The following ZYG11B variants were observed in gnomAD, a reference collection of about 807,000 sequenced individuals.
ZYG11B encodes the protein protein zyg-11 homolog B.
Under a neutral mutation model 82.4 loss-of-function variants are expected in ZYG11B, and 36 were observed. The ratio of observed to expected loss-of-function variants is 0.44; its 90% confidence interval spans 0.33 to 0.58. The LOEUF is 0.58. Among genes scored for constraint, ZYG11B ranks in the 20% least tolerant of loss-of-function variants. ZYG11B has a pLI of 0.02. For missense variants in ZYG11B, 552 were observed against 895.6 expected (o/e 0.62, Z 4.90); for synonymous variants, 303 against 312.8 (o/e 0.97, Z 0.33).
chr1:52,747,883 T>G (rs1644489868), intron 1 of ZYG11B, among the ~76,000 whole-genome samples: 1 of 152,162 alleles, frequency 6.6e-6, no homozygotes, highest in Admixed American at 6.6e-5. Context: ...TTACTTAAAC[T>G]CTGATAGCCT....
intron 5 of ZYG11B, among the ~76,000 whole-genome samples, chr1:52,789,149 C>T (rs1432926041): frequency 2.0e-5 from 3 of 152,168 alleles, no homozygotes; most frequent in Non-Finnish European, 4.4e-5. Flanking sequence ...CTTTTCTCTG[C>T]CATTTCTTCT....
chr1:52,797,350 TTA>T (rs1199423854), intron 8 of ZYG11B, among the ~76,000 whole-genome samples: 3 of 51,242 alleles, frequency 5.9e-5, no homozygotes, highest in African/African-American at 1.6e-4. Flanking sequence ...TAATTATATA[TTA>T]TATATAATAC....
chr1:52,732,679 C>T (rs923173303), intron 1 of ZYG11B, among the ~76,000 whole-genome samples: 7 of 152,124 alleles, frequency 4.6e-5, no homozygotes, highest in African/African-American at 9.7e-5. Flanking sequence ...GCAGGAGAAT[C>T]GCTTGAACCC....
chr1:52,753,939 C>G (rs1644548723), intron 1 of ZYG11B, among the ~76,000 whole-genome samples: 1 of 152,092 alleles, frequency 6.6e-6, no homozygotes, highest in Non-Finnish European at 1.5e-5. Context: ...CCATGTTGGC[C>G]AGGCTGGTCT....
intron 12 of ZYG11B, among the ~76,000 whole-genome samples, chr1:52,815,048 C>G (rs1253865280): frequency 6.6e-6 from 1 of 152,026 alleles, no homozygotes; most frequent in East Asian, 1.9e-4. Context: ...ATTCCAGCTA[C>G]TTGGGAGGCT....
intron 2 of ZYG11B, among the ~76,000 whole-genome samples, chr1:52,760,035 T>C (rs371594666): frequency 6.6e-6 from 1 of 152,192 alleles, no homozygotes. Flanking sequence ...GATTTCACTA[T>C]GTTGGCCAGG....
intron 2 of ZYG11B, among the ~76,000 whole-genome samples, chr1:52,762,130 T>G (rs1188565319): frequency 6.6e-6 from 1 of 152,136 alleles, no homozygotes; most frequent in African/African-American, 2.4e-5. Context: ...TCCACTCTGT[T>G]GATTGTTTCC....
intron 2 of ZYG11B, among the ~76,000 whole-genome samples, chr1:52,762,084 T>G (rs1644636728): frequency 6.6e-6 from 1 of 151,746 alleles, no homozygotes; most frequent in South Asian, 2.1e-4. Context: ...AGCTGAATAA[T>G]CTACAAATAT....
chr1:52,826,685 C>T lies in ZYG11B; in HGVS notation c.*5056C>T, dbSNP rs551157082. Reference sequence around the variant, plus strand: ...CAAAGATCAGTGCTGCTTCTCATGACTCTAAAGTAAAGCTCTTTTGGATAG... The same window carrying T: ...CAAAGATCAGTGCTGCTTCTCATGATTCTAAAGTAAAGCTCTTTTGGATAG... On this transcript the variant is annotated 3_prime_UTR_variant, in exon 14 of 14. Coordinates refer to ENST00000294353, the MANE Select transcript of ZYG11B (RefSeq NM_024646.3). The T allele has an allele frequency of 3.5e-4, 53 of 152,266 alleles. No homozygotes were observed. Among genetic ancestry groups the T allele is most frequent in the African/African-American group, 1.3e-3 (53 of 41,546 alleles). The allele number at this position is 152,266 out of a possible 1,614,324, so 9.4% of individuals were successfully genotyped here.
intron 2 of ZYG11B, among the ~76,000 whole-genome samples, chr1:52,766,650 A>G (rs898908965): frequency 6.6e-6 from 1 of 152,120 alleles, no homozygotes; most frequent in East Asian, 1.9e-4. Flanking sequence ...CACTGACGTC[A>G]CTCCAGCAGT....
intron 10 of ZYG11B, among the ~76,000 whole-genome samples, chr1:52,809,252 C>A (rs1290540312): frequency 6.6e-6 from 1 of 152,024 alleles, no homozygotes; most frequent in Non-Finnish European, 1.5e-5. Flanking sequence ...GTTGTAGAAC[C>A]ATCACTACCA....
At chr1:52,764,917 G>A (rs537334344) in intron 2 of ZYG11B, among the ~76,000 whole-genome samples, 10 of 152,226 alleles carry the variant, frequency 6.6e-5, no homozygotes, top group Non-Finnish European at 2.9e-5. Flanking sequence ...GTAAACTAGT[G>A]TTCCTAACAG....
intron 5 of ZYG11B, among the ~76,000 whole-genome samples, chr1:52,786,387 T>C (rs1436106717): frequency 6.6e-6 from 1 of 152,164 alleles, no homozygotes; most frequent in Non-Finnish European, 1.5e-5. Context: ...AATTGTACAC[T>C]TTAAGTAGGT....
chr1:52,801,678 A>G, intron 8 of ZYG11B, 141 bp from the exon 9 acceptor site: 1 of 614,860 alleles, frequency 1.6e-6, no homozygotes, highest in East Asian at 2.9e-5. Context: ...GTTCAGTCCA[A>G]GGGGCTGTTT....
intron 1 of ZYG11B, among the ~76,000 whole-genome samples, chr1:52,731,654 T>C (rs1323445405): frequency 6.6e-6 from 1 of 151,978 alleles, no homozygotes; most frequent in African/African-American, 2.4e-5. Context: ...GGATACACAA[T>C]AAATACACCT....
intron 3 of ZYG11B, among the ~76,000 whole-genome samples, chr1:52,774,558 C>T (rs376537715): frequency 1.1e-3 from 169 of 147,758 alleles, no homozygotes; most frequent in African/African-American, 4.1e-3. Context: ...CTGCCTGCCT[C>T]GGCCTCCTAA....
At chr1:52,774,699 A>T (rs12081509) in intron 3 of ZYG11B, among the ~76,000 whole-genome samples, 15,367 of 140,436 alleles carry the variant, frequency 0.11, 1,801 homozygotes, top group East Asian at 0.36. Flanking sequence ...TAGTTTTGGG[A>T]TTATAGGTGT....
intron 6 of ZYG11B, among the ~76,000 whole-genome samples, chr1:52,792,997 C>T (rs190466413): frequency 7.8e-4 from 118 of 152,148 alleles, no homozygotes; most frequent in Non-Finnish European, 1.3e-3. Flanking sequence ...TGCGCCGCTA[C>T]GCAAGGCTAA....
chr1:52,807,643 T>C (rs535094318), intron 10 of ZYG11B, among the ~76,000 whole-genome samples: 7 of 151,824 alleles, frequency 4.6e-5, no homozygotes, highest in African/African-American at 7.3e-5. Context: ...AGGCGCACAC[T>C]ACCATGCCCG....
Sources: gnomAD v4.1 joint callset for allele counts (sites outside exome capture counted in the v4.1 genomes callset) on GRCh38, gnomAD v4.1.1 for gene constraint, MANE v1.5 for transcripts, NCBI Gene and HGNC (gene_info 2026-07-23, HGNC 2026-07-21) for gene names.